NAF1: variants seen among roughly 807,000 people sequenced by gnomAD.
NAF1 encodes the protein H/ACA ribonucleoprotein complex non-core subunit NAF1.
In NAF1, 11 loss-of-function variants were observed where a neutral mutation model predicts 40.6. That is an observed-to-expected ratio of 0.27 (90% confidence interval 0.17 to 0.45). The LOEUF is 0.45. Ranked by LOEUF, NAF1 falls within the 20% of genes least tolerant of loss-of-function variation. The probability of loss-of-function intolerance (pLI) is 1.00; values close to 1 mark genes in which losing one functional copy is unlikely to be tolerated. For synonymous variants in NAF1, 260 were observed against 228.5 expected (o/e 1.14, Z -1.24); for missense variants, 607 against 611.1 (o/e 0.99, Z 0.07).
chr4:163,133,493 G>A lies in NAF1; in HGVS notation c.931-237C>T, dbSNP rs531667890. ...GCCAGTAATCAGCCTTCAGATATGA[G>A]TCTGACTTCCAGTTTAGACTTAAAA... On this transcript the variant is annotated intron_variant, in intron 6 of 7. Coordinates refer to ENST00000274054, the MANE Select transcript of NAF1 (RefSeq NM_138386.3). 47 of 379,418 alleles carry A rather than the reference G, an allele frequency of 1.2e-4. No homozygotes were observed. The South Asian group carries it at 1.9e-3, about 16-fold the overall frequency. The allele number at this position is 379,418 out of a possible 1,614,324, so 23.5% of individuals were successfully genotyped here.
At chr4:163,113,449 T>C (rs1730227522) in intron 2 of NAF1, among the ~76,000 whole-genome samples, 1 of 152,094 alleles carries the variant, frequency 6.6e-6, no homozygotes, top group African/African-American at 2.4e-5. Flanking sequence ...AAAAATGCAA[T>C]TAGACCGTAT....
At chr4:163,124,261 T>C (rs1730591454), downstream of NAF1, among the ~76,000 whole-genome samples, 1 of 152,162 alleles carries the variant, frequency 6.6e-6, no homozygotes, top group South Asian at 2.1e-4. Flanking sequence ...AGGTTTAGTG[T>C]CCGGTGATGG....
downstream of NAF1, among the ~76,000 whole-genome samples, chr4:163,122,141 G>A (rs956202405): frequency 6.6e-6 from 1 of 152,068 alleles, no homozygotes; most frequent in Non-Finnish European, 1.5e-5. Context: ...CAATGATTAG[G>A]ACTTTAAGAA....
At chr4:163,118,556 C>T (rs1325973484) in intron 2 of NAF1, among the ~76,000 whole-genome samples, 1 of 152,126 alleles carries the variant, frequency 6.6e-6, no homozygotes, top group East Asian at 1.9e-4. Context: ...AGTTTGAGAC[C>T]AGCCTGGCCA....
intron 2 of NAF1, chr4:163,157,548 C>T (rs1334216496): frequency 6.6e-6 from 1 of 151,734 alleles, no homozygotes; most frequent in African/African-American, 2.4e-5. Context: ...ATCAAAAAGA[C>T]AACACATTAA....
downstream of NAF1, among the ~76,000 whole-genome samples, chr4:163,105,257 T>C (rs935622915): frequency 2.0e-5 from 3 of 152,222 alleles, no homozygotes; most frequent in African/African-American, 7.2e-5. Context: ...TTAATCACTG[T>C]GAACTGCAGT....
At chr4:163,120,180 T>C (rs894164769) in intron 2 of NAF1, among the ~76,000 whole-genome samples, 3 of 152,158 alleles carry the variant, frequency 2.0e-5, no homozygotes, top group African/African-American at 7.2e-5. Context: ...CTGTATGTCA[T>C]GGGAGCACAC....
chr4:163,140,135 A>G (rs187686711), intron 5 of NAF1, 88 bp downstream of exon 5: 2 of 1,094,234 alleles, frequency 1.8e-6, no homozygotes, highest in Admixed American at 2.7e-5. Flanking sequence ...CACACACAAT[A>G]TAACTGTAAG....
chr4:163,153,058 T>C (rs1731790684), intron 2 of NAF1, among the ~76,000 whole-genome samples: 1 of 152,164 alleles, frequency 6.6e-6, no homozygotes, highest in South Asian at 2.1e-4. Flanking sequence ...GCTCGATTTC[T>C]CGCCGAGCCT....
At chr4:163,109,810 C>T (rs1276396166), downstream of NAF1, among the ~76,000 whole-genome samples, 1 of 152,176 alleles carries the variant, frequency 6.6e-6, no homozygotes, top group African/African-American at 2.4e-5. Flanking sequence ...ATAGAGATTA[C>T]TGTCATCTTC....
intron 2 of NAF1, among the ~76,000 whole-genome samples, chr4:163,158,073 G>C (rs565519212): frequency 1.3e-5 from 2 of 152,110 alleles, no homozygotes; most frequent in African/African-American, 2.4e-5. Context: ...ACAGAGGTTG[G>C]TGGGAGAAGG....
intron 4 of NAF1, among the ~76,000 whole-genome samples, chr4:163,143,063 C>A (rs2110946869): frequency 6.6e-6 from 1 of 152,288 alleles, no homozygotes; most frequent in East Asian, 1.9e-4. Flanking sequence ...ATGAGGTGGG[C>A]AAGCAGCTTT....
At chr4:163,163,972 A>G (rs2111066527) in intron 2 of NAF1, among the ~76,000 whole-genome samples, 1 of 152,308 alleles carries the variant, frequency 6.6e-6, no homozygotes, top group South Asian at 2.1e-4. Context: ...GTAAAGTTCA[A>G]AGCTGAAGTT....
chr4:163,118,221 G>C (rs1730409377), intron 2 of NAF1, among the ~76,000 whole-genome samples: 1 of 152,150 alleles, frequency 6.6e-6, no homozygotes, highest in South Asian at 2.1e-4. Context: ...CAGGGGTGAT[G>C]AATCAGAAAG....
At chr4:163,133,554 G>GAAAAAATC in intron 6 of NAF1, 4 of 280,452 alleles carry the variant, frequency 1.4e-5, no homozygotes. Context: ...GGTGCCAAAG[G>GAAAAAATC]TAAGAGTATC....
intron 2 of NAF1, among the ~76,000 whole-genome samples, chr4:163,117,678 A>AACACAC (rs1332486402): frequency 6.8e-5 from 3 of 44,360 alleles, no homozygotes; most frequent in South Asian, 7.6e-4. Flanking sequence ...CCCTGGAAGC[A>AACACAC]ATACACACAC....
downstream of NAF1, among the ~76,000 whole-genome samples, chr4:163,108,283 T>C (rs1730081781): frequency 6.6e-6 from 1 of 152,176 alleles, no homozygotes; most frequent in Admixed American, 6.5e-5. Context: ...GACAAGGATA[T>C]GGAGAAAGAA....
At chr4:163,155,100 T>A (rs561752930) in intron 2 of NAF1, among the ~76,000 whole-genome samples, 74 of 152,362 alleles carry the variant, frequency 4.9e-4, no homozygotes, top group African/African-American at 1.7e-3. Context: ...AAGATTTTTG[T>A]TTTGATGTAT....
intron 2 of NAF1, among the ~76,000 whole-genome samples, chr4:163,111,575 T>TA (rs530715464): frequency 1.3e-5 from 2 of 152,122 alleles, no homozygotes; most frequent in South Asian, 4.1e-4. Flanking sequence ...GTCATTTAAA[T>TA]AAAGATGTCA....
Sources: allele counts gnomAD v4.1 joint callset (sites outside exome capture counted in the v4.1 genomes callset), GRCh38; gene constraint gnomAD v4.1.1; transcripts MANE v1.5; gene names NCBI Gene and HGNC (gene_info 2026-07-23, HGNC 2026-07-21).